Variants in SGCZ observed in about 807,000 individuals in gnomAD.
SGCZ encodes the protein sarcoglycan zeta.
A neutral mutation model predicts 41.3 loss-of-function variants in SGCZ; 40 were observed. That is an observed-to-expected ratio of 0.97 (90% CI 0.75 to 1.26). SGCZ has a LOEUF of 1.26. Among genes scored for constraint, SGCZ ranks in the 50% most tolerant of loss-of-function variants. SGCZ has a pLI of 0.00. For synonymous variants in SGCZ, 206 were observed against 137.5 expected (o/e 1.50, Z -3.49); for missense variants, 552 against 369.8 (o/e 1.49, Z -4.04).
intron 1 of SGCZ, among the ~76,000 whole-genome samples, chr8:14,834,337 T>C (rs183178219): frequency 8.5e-5 from 13 of 152,314 alleles, no homozygotes; most frequent in Admixed American, 7.8e-4. Flanking sequence ...TTTGCAAAAA[T>C]TATTTTGGTA....
intron 2 of SGCZ, among the ~76,000 whole-genome samples, chr8:14,472,805 T>G (rs1417589542): frequency 6.6e-6 from 1 of 152,112 alleles, no homozygotes. Flanking sequence ...TACCTATAAA[T>G]AACTCTTTAT....
intron 1 of SGCZ, among the ~76,000 whole-genome samples, chr8:14,760,592 G>A (rs894679191): frequency 1.7e-4 from 26 of 152,066 alleles, no homozygotes; most frequent in African/African-American, 6.0e-4. Context: ...TGTACAACTG[G>A]CAACTTATTT....
chr8:14,716,163 G>T lies in SGCZ; in HGVS notation c.40-161237C>A, dbSNP rs751383325. On this transcript the variant is annotated intron_variant, in intron 1 of 7. Coordinates refer to ENST00000382080, the MANE Select transcript of SGCZ (RefSeq NM_139167.4). ...GAGAAAAGAATGACATAATTGAGCC[G>T]AGTATCCAAATTTAGAACTTAATAA... Among the ~76,000 whole-genome samples the T allele has an allele frequency of 4.0e-5, 6 of 151,774 alleles. No homozygotes were observed. In the East Asian group the frequency reaches 1.2e-3, roughly 29 times the overall value.
At chr8:14,816,077 A>G (rs1277728290) in intron 1 of SGCZ, among the ~76,000 whole-genome samples, 1 of 152,238 alleles carries the variant, frequency 6.6e-6, no homozygotes, top group East Asian at 1.9e-4. Flanking sequence ...TGTCAAATAT[A>G]TTTCAACCAT....
At chr8:14,727,485 A>T (rs570959717) in intron 1 of SGCZ, among the ~76,000 whole-genome samples, 1 of 152,132 alleles carries the variant, frequency 6.6e-6, no homozygotes, top group African/African-American at 2.4e-5. Context: ...TAGGTATTTC[A>T]CAAGAGAAAT....
intron 1 of SGCZ, among the ~76,000 whole-genome samples, chr8:14,909,026 C>T (rs2130773497): frequency 6.6e-6 from 1 of 152,240 alleles, no homozygotes; most frequent in African/African-American, 2.4e-5. Flanking sequence ...AAAATCGGGA[C>T]TCTAATGATG....
chr8:14,460,581 C>T lies in SGCZ; in HGVS notation c.234+94151G>A, dbSNP rs80115961. Among the ~76,000 whole-genome samples the T allele has an allele frequency of 1.9e-3, 290 of 152,140 alleles. 8 individuals are homozygous for T. The East Asian group carries it at 0.04, about 21-fold the overall frequency. The stretch of plus-strand genomic sequence containing the variant: ...GCTCTTCAGGGCATAGAAAGATGTG[C>T]ATAATAACAAGAAATGTATCTAAAG... On this transcript the variant is annotated intron_variant, in intron 2 of 7. Transcript: ENST00000382080.
chr8:14,803,471 G>A (rs914667042), intron 1 of SGCZ, among the ~76,000 whole-genome samples: 18 of 152,214 alleles, frequency 1.2e-4, no homozygotes, highest in South Asian at 6.2e-4. Flanking sequence ...GGTGACAGAC[G>A]GCACCTGGAA....
intron 2 of SGCZ, among the ~76,000 whole-genome samples, chr8:14,368,309 T>A (rs1405825369): frequency 2.6e-5 from 4 of 152,090 alleles, no homozygotes; most frequent in Non-Finnish European, 5.9e-5. Flanking sequence ...ATACAGCTGT[T>A]TTCTAAGAAA....
intron 1 of SGCZ, among the ~76,000 whole-genome samples, chr8:14,775,845 A>G (rs1453220990): frequency 6.6e-6 from 1 of 152,180 alleles, no homozygotes; most frequent in African/African-American, 2.4e-5. Flanking sequence ...GTGCAAACAG[A>G]ACATCTTTAA....
rs1383857677 is a variant in SGCZ, at chr8:14,747,734, A to T, written c.40-192808T>A. Among the ~76,000 whole-genome samples the T allele has an allele frequency of 8.6e-5, 10 of 116,692 alleles. No homozygotes were observed. The East Asian group carries it at 9.4e-4, about 11-fold the overall frequency. The allele number at this position is 116,692 out of a possible 152,430, so 76.6% of individuals were successfully genotyped here. A position where few individuals can be genotyped will look rare whatever the true frequency, so the allele number is the denominator to read the frequency against. ...GTGTGTGTGTGTGTGTGTGTGTGTG[A>T]GACTGAGTCTCATTCTGTCCCAGGC... On this transcript the variant is annotated intron_variant, in intron 1 of 7. Transcript: ENST00000382080.
intron 2 of SGCZ, among the ~76,000 whole-genome samples, chr8:14,349,879 A>G (rs777473350): frequency 6.6e-6 from 1 of 152,152 alleles, no homozygotes; most frequent in Non-Finnish European, 1.5e-5. Flanking sequence ...TATCCCTTTT[A>G]CAGACACATA....
At chr8:14,589,923 T>C (rs568574416) in intron 1 of SGCZ, among the ~76,000 whole-genome samples, 2 of 152,300 alleles carry the variant, frequency 1.3e-5, no homozygotes, top group African/African-American at 4.8e-5. Flanking sequence ...GGTTTCTTTA[T>C]TGACTCCTGT....
chr8:14,105,195 C>T (rs1802165087), intron 6 of SGCZ, among the ~76,000 whole-genome samples: 1 of 151,824 alleles, frequency 6.6e-6, no homozygotes, highest in African/African-American at 2.4e-5. Context: ...CAAAGAAAAT[C>T]CACAGTTTTA....
At chr8:14,359,720 A>T (rs751831513) in intron 2 of SGCZ, among the ~76,000 whole-genome samples, 12 of 151,962 alleles carry the variant, frequency 7.9e-5, no homozygotes, top group Admixed American at 1.3e-4. Flanking sequence ...TATCGATTCT[A>T]CTCAAACTAT....
chr8:15,188,379 C>A (rs1800417579), intron 1 of SGCZ, among the ~76,000 whole-genome samples: 1 of 152,052 alleles, frequency 6.6e-6, no homozygotes, highest in Admixed American at 6.5e-5. Flanking sequence ...TAAAGTATCT[C>A]TCTGTTAATC....
At chr8:14,386,021 G>T (rs10282824) in intron 2 of SGCZ, among the ~76,000 whole-genome samples, 14,082 of 152,028 alleles carry the variant, frequency 0.093, 2,069 homozygotes, top group African/African-American at 0.31. Flanking sequence ...TACTTTTAAT[G>T]TCTATTATTC....
chr8:14,406,775 G>A lies in SGCZ; in HGVS notation c.235-82571C>T, dbSNP rs142668150. Among the ~76,000 whole-genome samples, 97 of 152,174 alleles carry A rather than the reference G, an allele frequency of 6.4e-4. 1 individual carries two copies. Among genetic ancestry groups the A allele is most frequent in the Middle Eastern group, 6.8e-3 (2 of 294 alleles). On this transcript the variant is annotated intron_variant, in intron 2 of 7. Coordinates refer to ENST00000382080, the MANE Select transcript of SGCZ (RefSeq NM_139167.4). ...TCTCATTCCAGAAATTTTTGCATAC[G>A]CCACCCTTTAATTTGAAAATAATTA...
At chr8:14,400,862 C>G (rs1032338941) in intron 2 of SGCZ, among the ~76,000 whole-genome samples, 2 of 152,084 alleles carry the variant, frequency 1.3e-5, no homozygotes, top group East Asian at 3.8e-4. Context: ...AGTTAATTTG[C>G]TTGTGGATCT....
Sources: gnomAD v4.1 joint callset for allele counts (sites outside exome capture counted in the v4.1 genomes callset) on GRCh38, gnomAD v4.1.1 for gene constraint, MANE v1.5 for transcripts, NCBI Gene and HGNC (gene_info 2026-07-23, HGNC 2026-07-21) for gene names.